The following TRIM16 variants were observed in gnomAD, a reference collection of about 807,000 sequenced individuals.
TRIM16 encodes tripartite motif-containing protein 16.
TRIM16 carries 33 observed loss-of-function variants against 50.4 expected under a neutral mutation model. That is an observed-to-expected ratio of 0.65 (90% CI 0.50 to 0.88). The LOEUF (loss-of-function observed/expected upper bound fraction) is 0.88, where lower values mean the gene tolerates loss of function less well. Ranked by LOEUF, TRIM16 falls within the 40% of genes least tolerant of loss-of-function variation. The probability of loss-of-function intolerance (pLI) is 0.00; values close to 1 mark genes in which losing one functional copy is unlikely to be tolerated. For synonymous variants in TRIM16, 229 were observed against 270.7 expected, an observed-to-expected ratio of 0.85 and a Z score of 1.51; for missense variants, 581 against 686.8, an observed-to-expected ratio of 0.85 and a Z score of 1.72.
In TRIM16 at chr17:15,629,063, C is replaced by T. The variant is rs1336594422; in HGVS notation, c.1247G>A (p.Arg416Gln). The change falls in exon 12 of 12, where the codon CGG (arginine) becomes CAG (glutamine). Residue 416 changes from arginine to glutamine, a missense_variant. By Grantham distance (43) the Arg-to-Gln change is conservative. Transcript: ENST00000649191. ...CAGACTCTGCTGGGACAGCACCTGC[C>T]GCCAGTGCAGGAACCTGCTGGGGAG... ...PDLPSRFLHW[R>Q]QVLSQQSLYL... 5.6e-6 allele frequency: 9 copies of T among 1,613,934 alleles called. No individual in the cohort carries two copies. In the East Asian group the frequency reaches 6.7e-5, roughly 12 times the overall value.
chr17:15,660,578 G>GCAAACAGGAAA (rs1988180054), intron 6 of TRIM16, among the ~76,000 whole-genome samples: 1 of 152,162 alleles, frequency 6.6e-6, no homozygotes, highest in South Asian at 2.1e-4. Context: ...GACTCAGGAA[G>GCAAACAGGAAA]CAAACAAAGC....
chr17:15,648,225 CA>C (rs542434481), intron 7 of TRIM16, among the ~76,000 whole-genome samples: 15,572 of 75,042 alleles, frequency 0.21, 993 homozygotes, highest in African/African-American at 0.41. Flanking sequence ...GACTCCGTCT[CA>C]AAAAAAAAAA....
chr17:15,653,878 C>T (rs1324643525), intron 6 of TRIM16, among the ~76,000 whole-genome samples: 1 of 152,158 alleles, frequency 6.6e-6, no homozygotes, highest in East Asian at 1.9e-4. Flanking sequence ...CAAAGGAATC[C>T]AGGATTATTC....
rs1986275970 is a variant in TRIM16 at position 15,629,204 on chromosome 17, G to A, written c.1112-6C>T. The A allele has an allele frequency of 2.5e-6, 4 of 1,594,010 alleles. No individual in the cohort carries two copies. The East Asian group carries it at 9.0e-5, about 36-fold the overall frequency. ...AAACGTGATGTCATACGCATCTGAGGAGACACAGAAGGCAGGAGAGTGGTT... is the reference window on the plus strand; with the variant it reads ...AAACGTGATGTCATACGCATCTGAGAAGACACAGAAGGCAGGAGAGTGGTT... On this transcript the variant is annotated splice_region_variant and splice_polypyrimidine_tract_variant and intron_variant, in intron 11 of 11. Coordinates refer to ENST00000649191, the MANE Select transcript of TRIM16 (RefSeq NM_001348119.1).
intron 6 of TRIM16, among the ~76,000 whole-genome samples, chr17:15,666,955 G>T (rs1988524947): frequency 6.6e-6 from 1 of 152,210 alleles, no homozygotes; most frequent in African/African-American, 2.4e-5. Context: ...TTTTTATTCA[G>T]TCTAATAATC....
intron 6 of TRIM16, among the ~76,000 whole-genome samples, chr17:15,662,710 C>A (rs185651352): frequency 1.3e-5 from 2 of 152,312 alleles, no homozygotes; most frequent in African/African-American, 2.4e-5. Context: ...AGGGACTGTG[C>A]TAAGCAGGGA....
In TRIM16 at chr17:15,629,164, T is replaced by G. The variant is rs1986271072; in HGVS notation, c.1146A>C (p.Ala382=). ...AYDITFDPDT[A]HKYLRLQEEN... ...CCTCCTGCAGCCGGAGATACTTGTG[T>G]GCTGTGTCCGGGTCAAACGTGATGT... The change falls in exon 12 of 12, where the codon GCA becomes GCC. Residue 382 remains alanine, a synonymous_variant. Transcript: ENST00000649191. The G allele has an allele frequency of 1.2e-6, 2 of 1,612,426 alleles. No individual in the cohort carries two copies. The highest frequency in any genetic ancestry group is 2.7e-5 in the African/African-American group (2 of 74,902).
intron 4 of TRIM16, among the ~76,000 whole-genome samples, chr17:15,678,207 A>C (rs1194660481): frequency 2.0e-5 from 3 of 151,652 alleles, no homozygotes; most frequent in Admixed American, 6.6e-5. Flanking sequence ...CAACAGAACG[A>C]GACTGTGTCT....
At chr17:15,659,403 T>C (rs1250790326) in intron 6 of TRIM16, among the ~76,000 whole-genome samples, 1 of 152,090 alleles carries the variant, frequency 6.6e-6, no homozygotes, top group Non-Finnish European at 1.5e-5. Context: ...AGAAACCTAC[T>C]TGGGGGAGTC....
Position 15,665,883 on chromosome 17 carries a change from T to C in TRIM16, c.-338+11293A>G, listed in dbSNP as rs568481480. Among the ~76,000 whole-genome samples, 521 of 152,202 alleles carry C rather than the reference T, an allele frequency of 3.4e-3. 4 individuals are homozygous for C. The highest frequency in any genetic ancestry group is 0.012 in the African/African-American group (480 of 41,470). On this transcript the variant is annotated intron_variant, in intron 6 of 11. Coordinates refer to ENST00000649191, the MANE Select transcript of TRIM16 (RefSeq NM_001348119.1). The stretch of plus-strand genomic sequence containing the variant: ...TTTCTCACAGGCACCTTGAATCTAA[T>C]GCATCCAAAATTAAATGTAAGGCCT...
chr17:15,644,654 C>A (rs1987272846), intron 7 of TRIM16, among the ~76,000 whole-genome samples: 1 of 151,962 alleles, frequency 6.6e-6, no homozygotes, highest in Non-Finnish European at 1.5e-5. Flanking sequence ...CCTTTGGCAA[C>A]TAGCCCCCAT....
Position 15,651,074 on chromosome 17 carries a change from G to T in TRIM16, c.519+17C>A, listed in dbSNP as rs781057869. 1.3e-6 allele frequency: 2 copies of T among 1,588,222 alleles called. No individual in the cohort carries two copies. Among genetic ancestry groups the T allele is most frequent in the Non-Finnish European group, 1.7e-6 (2 of 1,165,752 alleles). On this transcript the variant is annotated intron_variant, in intron 7 of 11. Coordinates refer to ENST00000649191, the MANE Select transcript of TRIM16 (RefSeq NM_001348119.1). ...ACCGCCCTCTCCCAAATGGATGAATGGTCCCCAAGCACTCACCTCCTTGTC... is the reference window on the plus strand; with the variant it reads ...ACCGCCCTCTCCCAAATGGATGAATTGTCCCCAAGCACTCACCTCCTTGTC...
intron 8 of TRIM16, among the ~76,000 whole-genome samples, chr17:15,640,419 T>C (rs1302499476): frequency 6.7e-6 from 1 of 148,872 alleles, no homozygotes; most frequent in Non-Finnish European, 1.5e-5. Context: ...GCTTAGCCCC[T>C]TGTTCACTGT....
At chr17:15,635,221 C>A (rs1455731140) in intron 9 of TRIM16, among the ~76,000 whole-genome samples, 3 of 146,842 alleles carry the variant, frequency 2.0e-5, no homozygotes, top group Non-Finnish European at 4.5e-5. Flanking sequence ...ATTATTTACT[C>A]CAGTGGGCTT....
At position 15,682,850 on chromosome 17, in the gene TRIM16, TCACCACG is replaced by T. The variant is rs1989237847; in HGVS notation, c.-682_-679+3del. 7.0e-7 allele frequency: 1 copy of T among 1,430,570 alleles called. No homozygotes were observed. Among genetic ancestry groups the T allele is most frequent in the East Asian group, 2.5e-5 (1 of 39,274 alleles). The allele number at this position is 1,430,570 out of a possible 1,614,324, so 88.6% of individuals were successfully genotyped here. A position where few individuals can be genotyped will look rare whatever the true frequency, so the allele number is the denominator to read the frequency against. On this transcript the variant is annotated splice_donor_variant and splice_donor_region_variant and 5_prime_UTR_variant and intron_variant, in exon 3 of 12. Coordinates refer to ENST00000649191, the MANE Select transcript of TRIM16 (RefSeq NM_001348119.1). LOFTEE classifies it low-confidence loss of function (5UTR_SPLICE). Reference sequence around the variant, plus strand: ...AAAATCACCACCATTCTTCGCACACTCACCACGCACCAGGTGCTTTCCATAAATCAGT... The same window carrying T: ...AAAATCACCACCATTCTTCGCACACTCACCAGGTGCTTTCCATAAATCAGT...
chr17:15,661,746 A>G (rs1988247333), intron 6 of TRIM16, among the ~76,000 whole-genome samples: 1 of 152,130 alleles, frequency 6.6e-6, no homozygotes, highest in African/African-American at 2.4e-5. Flanking sequence ...TTTCTCCCTT[A>G]AGCTCCATGA....
rs151142903 is a variant in TRIM16 at position 15,636,449 on chromosome 17, G to A, written c.616-180C>T. ...CCAGGTTCCTGGAAAAAGGATTTAC[G>A]TATTAACTTGGTCTCCTCATCCATT... is the stretch of plus-strand genomic sequence containing the variant. On this transcript the variant is annotated intron_variant, in intron 8 of 11. Coordinates refer to ENST00000649191, the MANE Select transcript of TRIM16 (RefSeq NM_001348119.1). 7.0e-4 allele frequency among the ~76,000 whole-genome samples: 105 copies of A among 149,582 alleles called. 6 individuals carry two copies. The highest frequency in any genetic ancestry group is 2.6e-3 in the Admixed American group (40 of 15,126).
At chr17:15,683,243 A>G in intron 1 of TRIM16, 86 bp from the exon 2 acceptor site, 1 of 994,064 alleles carries the variant, frequency 1.0e-6, no homozygotes, top group African/African-American at 1.6e-5. Flanking sequence ...CAGAACGCAG[A>G]GTCTGACGCA....
At chr17:15,677,491 C>T (rs1368578311) in intron 5 of TRIM16, 84 bp downstream of exon 5, 2 of 990,204 alleles carry the variant, frequency 2.0e-6, no homozygotes, top group South Asian at 4.6e-5. Flanking sequence ...TCATTTGTTA[C>T]CATTCCCTAA....
Sources: gnomAD v4.1 joint callset for allele counts (sites outside exome capture counted in the v4.1 genomes callset) on GRCh38, gnomAD v4.1.1 for gene constraint, MANE v1.5 for transcripts, NCBI Gene and HGNC (gene_info 2026-07-23, HGNC 2026-07-21) for gene names.